The following UBE3D variants were observed in gnomAD, a reference collection of about 807,000 sequenced individuals.
UBE3D encodes the protein E3 ubiquitin-protein ligase E3D.
Under a neutral mutation model 49.6 loss-of-function variants are expected in UBE3D, and 48 were observed. That is an observed-to-expected ratio of 0.97 (90% CI 0.77 to 1.23). UBE3D has a LOEUF of 1.23. Among genes scored for constraint, UBE3D ranks in the 50% most tolerant of loss-of-function variants. The pLI is 0.00. For synonymous variants in UBE3D, 189 were observed against 174.2 expected (o/e 1.08, Z -0.67); for missense variants, 452 against 468.4 (o/e 0.96, Z 0.32).
intron 9 of UBE3D, among the ~76,000 whole-genome samples, chr6:82,923,931 G>T (rs1481041980): frequency 1.3e-5 from 2 of 152,062 alleles, no homozygotes; most frequent in Non-Finnish European, 2.9e-5. Flanking sequence ...TGTTGGAAAA[G>T]CCTAGAGTCA....
intron 9 of UBE3D, among the ~76,000 whole-genome samples, chr6:82,930,425 G>A (rs1484665897): frequency 1.3e-5 from 2 of 152,212 alleles, no homozygotes; most frequent in Non-Finnish European, 2.9e-5. Flanking sequence ...ACAGGCAGAG[G>A]TTGGAATAGT....
chr6:83,031,760 A>G (rs985474519), intron 5 of UBE3D, among the ~76,000 whole-genome samples: 10 of 152,326 alleles, frequency 6.6e-5, no homozygotes, highest in African/African-American at 2.4e-4. Context: ...CTAGAGGGAA[A>G]AAATGGTTTC....
intron 2 of UBE3D, among the ~76,000 whole-genome samples, chr6:83,054,613 T>G (rs1233670476): frequency 6.6e-6 from 1 of 152,196 alleles, no homozygotes; most frequent in Non-Finnish European, 1.5e-5. Flanking sequence ...CACAATAGTG[T>G]TTCATCAGTG....
At chr6:83,034,366 C>T (rs1377389631) in intron 5 of UBE3D, among the ~76,000 whole-genome samples, 2 of 152,034 alleles carry the variant, frequency 1.3e-5, no homozygotes, top group African/African-American at 4.8e-5. Flanking sequence ...CTTGTTCAAC[C>T]TTTTTTCTTC....
At chr6:82,984,779 C>T (rs1427453084) in intron 8 of UBE3D, among the ~76,000 whole-genome samples, 1 of 151,752 alleles carries the variant, frequency 6.6e-6, no homozygotes, top group African/African-American at 2.4e-5. Flanking sequence ...GGGATATTAG[C>T]CTTGGTTTAA....
intron 9 of UBE3D, among the ~76,000 whole-genome samples, chr6:82,907,018 T>C (rs183965238): frequency 2.0e-5 from 3 of 152,314 alleles, no homozygotes; most frequent in African/African-American, 4.8e-5. Context: ...TCTTTCTAGA[T>C]AGAGAACTTA....
At chr6:82,982,801 G>A (rs974986803) in intron 8 of UBE3D, among the ~76,000 whole-genome samples, 5 of 152,008 alleles carry the variant, frequency 3.3e-5, no homozygotes, top group Admixed American at 6.6e-5. Flanking sequence ...CCAATTCTAC[G>A]CTGTTTTCAT....
chr6:83,005,291 T>C (rs1001204240), intron 8 of UBE3D, among the ~76,000 whole-genome samples: 8 of 151,128 alleles, frequency 5.3e-5, no homozygotes, highest in African/African-American at 2.0e-4. Context: ...TCACCTCACA[T>C]CCATTATGAC....
intron 8 of UBE3D, among the ~76,000 whole-genome samples, chr6:82,997,579 C>G (rs997711618): frequency 6.6e-6 from 1 of 151,958 alleles, no homozygotes; most frequent in Non-Finnish European, 1.5e-5. Context: ...ATTAGCCAGG[C>G]ATGGTGGCGG....
At chr6:82,976,085 T>A (rs1471409872) in intron 8 of UBE3D, among the ~76,000 whole-genome samples, 1 of 152,224 alleles carries the variant, frequency 6.6e-6, no homozygotes, top group African/African-American at 2.4e-5. Context: ...TCAGGTAATT[T>A]TCATTAACCA....
intron 3 of UBE3D, among the ~76,000 whole-genome samples, chr6:83,052,347 A>G: frequency 6.6e-6 from 1 of 152,200 alleles, no homozygotes; most frequent in Non-Finnish European, 1.5e-5. Flanking sequence ...TACAGGGGAC[A>G]ACAAGATTAT....
chr6:83,060,993 GAGTA>G (rs1488817532), intron 1 of UBE3D, among the ~76,000 whole-genome samples: 16 of 152,150 alleles, frequency 1.1e-4, no homozygotes, highest in Non-Finnish European at 2.2e-4. Flanking sequence ...AAGAGAAAAA[GAGTA>G]ACTTTAAGGT....
chr6:82,941,210 A>C (rs1406327242), intron 9 of UBE3D, among the ~76,000 whole-genome samples: 1 of 152,196 alleles, frequency 6.6e-6, no homozygotes, highest in Non-Finnish European at 1.5e-5. Flanking sequence ...TCTCCAAAAA[A>C]ATAAAAAACA....
intron 3 of UBE3D, among the ~76,000 whole-genome samples, chr6:83,048,661 C>T (rs548956697): frequency 1.6e-4 from 24 of 152,174 alleles, no homozygotes; most frequent in Non-Finnish European, 2.9e-4. Flanking sequence ...GAACCATCTA[C>T]ATAAGACAGC....
intron 8 of UBE3D, among the ~76,000 whole-genome samples, chr6:82,991,632 G>A (rs1451590014): frequency 6.6e-6 from 1 of 151,940 alleles, no homozygotes; most frequent in African/African-American, 2.4e-5. Flanking sequence ...TCCAAATTCT[G>A]GCAGGAAGAT....
intron 5 of UBE3D, 48 bp from the exon 6 acceptor site, chr6:83,024,086 T>TA: frequency 2.8e-6 from 3 of 1,068,408 alleles, no homozygotes; most frequent in Non-Finnish European, 4.0e-6. Flanking sequence ...CACTAATAAT[T>TA]TTATTGTGGG....
chr6:82,934,339 T>C (rs1390138417), intron 9 of UBE3D, among the ~76,000 whole-genome samples: 5 of 152,208 alleles, frequency 3.3e-5, no homozygotes, highest in Admixed American at 2.0e-4. Context: ...ACTAATACAA[T>C]GAGGACATTA....
At chr6:82,981,339 G>A (rs1046910564) in intron 8 of UBE3D, among the ~76,000 whole-genome samples, 3 of 152,068 alleles carry the variant, frequency 2.0e-5, no homozygotes, top group Non-Finnish European at 2.9e-5. Context: ...TTATTACCAA[G>A]ATCATTCATA....
intron 8 of UBE3D, among the ~76,000 whole-genome samples, chr6:82,969,536 T>G (rs6454311): frequency 0.17 from 25,481 of 151,950 alleles, 2,227 homozygotes; most frequent in African/African-American, 0.21. Context: ...TGAACCCAGG[T>G]GGTGGAGGTT....
Sources: allele counts gnomAD v4.1 joint callset (sites outside exome capture counted in the v4.1 genomes callset), GRCh38; gene constraint gnomAD v4.1.1; transcripts MANE v1.5; gene names NCBI Gene and HGNC (gene_info 2026-07-23, HGNC 2026-07-21).